Variants in SPINK5 observed in about 807,000 individuals in gnomAD.
SPINK5 encodes the protein serine peptidase inhibitor Kazal type 5, also known as serine protease inhibitor Kazal-type 5.
A neutral mutation model predicts 151.8 loss-of-function variants in SPINK5; 125 were observed. The ratio of observed to expected loss-of-function variants is 0.82; its 90% CI spans 0.71 to 0.96. The LOEUF (loss-of-function observed/expected upper bound fraction) is 0.96, where lower values mean the gene tolerates loss of function less well. Among genes scored for constraint, SPINK5 ranks in the 40% least tolerant of loss-of-function variants. The probability of loss-of-function intolerance (pLI) is 0.00; values close to 1 mark genes in which losing one functional copy is unlikely to be tolerated. For missense variants in SPINK5, 1,194 were observed against 1,291.9 expected, an observed-to-expected ratio of 0.92 and a Z score of 1.16; for synonymous variants, 374 against 395.3, an observed-to-expected ratio of 0.95 and a Z score of 0.64.
chr5:148,112,886 AAAAG>A lies in SPINK5; in HGVS notation c.1845_1848del (p.Arg616LeufsTer98). On this transcript the variant is annotated frameshift_variant, in exon 20 of 33. Transcript: ENST00000256084. LOFTEE classifies it high-confidence loss of function. ...CTTATAGCCAGCAAGAAGCAAAAGAAAAAGAAAGAGCTGAACCCAGAGCAAAAGT... is the reference window on the plus strand; with the variant it reads ...CTTATAGCCAGCAAGAAGCAAAAGAAAAAGAGCTGAACCCAGAGCAAAAGT... The A allele has an allele frequency of 1.2e-6, 2 of 1,613,982 alleles. No individual in the cohort carries two copies. Among genetic ancestry groups the A allele is most frequent in the Non-Finnish European group, 1.7e-6 (2 of 1,179,922 alleles).
chr5:148,109,150 T>G (rs1230171943), intron 18 of SPINK5, among the ~76,000 whole-genome samples: 1 of 152,156 alleles, frequency 6.6e-6, no homozygotes, highest in Non-Finnish European at 1.5e-5. Flanking sequence ...GAGACAGATG[T>G]TCAGATTTTT....
In SPINK5 at chr5:148,114,438, G is replaced by A. The variant is rs142227576; in HGVS notation, c.1964G>A (p.Gly655Asp). 5,891 of 1,613,640 alleles carry A rather than the reference G, an allele frequency of 3.7e-3. 11 individuals are homozygous for A. The highest frequency in any genetic ancestry group is 4.5e-3 in the Non-Finnish European group (5,310 of 1,179,710). ...ACAAGAGAAAATGATCCTGTGCGTG[G>A]CCCAGATGGCAAGACCCATGGCAAC... ...FCTRENDPVR[G>D]PDGKTHGNKC... Residue 655 changes from glycine to aspartate, a missense_variant, in exon 21 of 33, where the codon GGC (glycine) becomes GAC (aspartate). Gly to Asp is a moderately conservative substitution (Grantham distance 94). Coordinates refer to ENST00000256084, the MANE Select transcript of SPINK5 (RefSeq NM_006846.4).
At chr5:148,124,467 A>G (rs1001780253) in intron 27 of SPINK5, among the ~76,000 whole-genome samples, 2 of 152,208 alleles carry the variant, frequency 1.3e-5, no homozygotes, top group African/African-American at 4.8e-5. Context: ...TTTCTAGATG[A>G]GAGTCTTAAG....
chr5:148,081,850 T>A (rs1221332133), intron 4 of SPINK5, among the ~76,000 whole-genome samples: 1 of 151,738 alleles, frequency 6.6e-6, no homozygotes, highest in East Asian at 1.9e-4. Context: ...ATTACTATTA[T>A]TTAATACAAA....
chr5:148,112,020 T>G (rs1045105708), intron 19 of SPINK5, 125 bp downstream of exon 19: 41 of 1,441,394 alleles, frequency 2.8e-5, no homozygotes, highest in Non-Finnish European at 3.7e-5. Context: ...TGCACTGAGT[T>G]TGGAAATTTA....
chr5:148,118,615 G>C, intron 23 of SPINK5, 51 bp downstream of exon 23: 1 of 1,606,128 alleles, frequency 6.2e-7, no homozygotes, highest in Non-Finnish European at 8.5e-7. Flanking sequence ...CATTCCTCTT[G>C]AATGAATGGC....
At chr5:148,082,601 C>CTTT (rs1200775905) in intron 4 of SPINK5, among the ~76,000 whole-genome samples, 6 of 42,760 alleles carry the variant, frequency 1.4e-4, no homozygotes, top group Non-Finnish European at 2.2e-4. Context: ...TTTATATATT[C>CTTT]TTTTTTTTTT....
intron 5 of SPINK5, among the ~76,000 whole-genome samples, chr5:148,087,953 AT>A (rs1561681347): frequency 6.6e-6 from 1 of 151,596 alleles, no homozygotes; most frequent in South Asian, 2.1e-4. Flanking sequence ...TTTTTACTAA[AT>A]TTTTATTGTT....
intron 8 of SPINK5, among the ~76,000 whole-genome samples, chr5:148,093,978 A>G (rs968748146): frequency 6.6e-6 from 1 of 151,996 alleles, no homozygotes; most frequent in Non-Finnish European, 1.5e-5. Context: ...TTTCCAGATT[A>G]AAACGTAGAA....
intron 2 of SPINK5, 158 bp downstream of exon 2, chr5:148,065,530 A>C (rs1320844205): frequency 1.4e-6 from 1 of 699,086 alleles, no homozygotes; most frequent in African/African-American, 2.4e-5. Flanking sequence ...ATGAATCAGG[A>C]CATGAGCCTC....
chr5:148,091,367 A>C (rs1753305285), intron 8 of SPINK5, 139 bp downstream of exon 8: 1 of 730,922 alleles, frequency 1.4e-6, no homozygotes, highest in Non-Finnish European at 2.3e-6. Flanking sequence ...AAATTCCCCA[A>C]ATTGACTATT....
intron 12 of SPINK5, 117 bp from the exon 13 acceptor site, chr5:148,100,337 A>G (rs1753603725): frequency 8.7e-7 from 1 of 1,146,180 alleles, no homozygotes; most frequent in Non-Finnish European, 1.3e-6. Flanking sequence ...GAAAAACACA[A>G]TTAAAATCCT....
chr5:148,067,324 G>T (rs997807331), intron 2 of SPINK5, among the ~76,000 whole-genome samples: 1 of 152,082 alleles, frequency 6.6e-6, no homozygotes, highest in Non-Finnish European at 1.5e-5. Context: ...GTTTTCCTGG[G>T]ACATGCTGAG....
chr5:148,124,723 C>G (rs757927241), intron 27 of SPINK5, 42 bp from the exon 28 acceptor site: 1 of 1,470,920 alleles, frequency 6.8e-7, no homozygotes, highest in Non-Finnish European at 9.1e-7. Context: ...CAGTAACAAC[C>G]CTTGAAAAAT....
rs138911719 is a variant in SPINK5, at chr5:148,130,718, T to C, written c.2965-541T>C. ...TAAGCATGAACTTACATGCATTATC[T>C]GTTTTAATCCCTTCAAGCAGTAATA... On this transcript the variant is annotated intron_variant, in intron 30 of 32. Transcript: ENST00000256084. Among the ~76,000 whole-genome samples the C allele has an allele frequency of 2.4e-3, 373 of 152,296 alleles. 1 individual carries two copies. Among genetic ancestry groups the C allele is most frequent in the Non-Finnish European group, 3.1e-3 (210 of 67,986 alleles).
intron 32 of SPINK5, 124 bp from the exon 33 acceptor site, chr5:148,136,859 C>A: frequency 8.0e-7 from 1 of 1,252,688 alleles, no homozygotes; most frequent in Non-Finnish European, 1.2e-6. Flanking sequence ...TTTTAAATTG[C>A]TACTTCTTTG....
chr5:148,083,686 A>C (rs1482878046), intron 4 of SPINK5, among the ~76,000 whole-genome samples: 4 of 151,484 alleles, frequency 2.6e-5, no homozygotes, highest in Non-Finnish European at 5.9e-5. Context: ...ACTTGATTTT[A>C]GCTTAAAATT....
Position 148,097,912 on chromosome 5 carries a change from T to C in SPINK5, c.928T>C (p.Phe310Leu). ...YQNQAKNGIL[F>L]CTRENDPIRG... is the part of the protein sequence containing the mutation. ...AAATCAGGCAAAGAATGGAATACTT[T>C]TCTGTACCAGAGAAAATGACCCTAT... is the stretch of plus-strand genomic sequence containing the variant. Residue 310 changes from phenylalanine to leucine, a missense_variant, in exon 11 of 33, where the codon TTC becomes CTC. Physicochemically the swap from Phe to Leu is conservative, Grantham distance 22. Coordinates refer to ENST00000256084, the MANE Select transcript of SPINK5 (RefSeq NM_006846.4). 1 of 1,612,342 alleles carries C rather than the reference T, an allele frequency of 6.2e-7. No individual in the cohort carries two copies. The highest frequency in any genetic ancestry group is 8.5e-7 in the Non-Finnish European group (1 of 1,178,758).
At chr5:148,114,900 C>T (rs1025062837) in intron 21 of SPINK5, among the ~76,000 whole-genome samples, 6 of 152,104 alleles carry the variant, frequency 3.9e-5, no homozygotes, top group African/African-American at 1.2e-4. Context: ...GGTCTTTACA[C>T]AAAGTTTGGA....
Sources: allele counts gnomAD v4.1 joint callset (sites outside exome capture counted in the v4.1 genomes callset), GRCh38; gene constraint gnomAD v4.1.1; transcripts MANE v1.5; gene names NCBI Gene and HGNC (gene_info 2026-07-23, HGNC 2026-07-21).